GRIK2: variants seen among roughly 807,000 people sequenced by gnomAD.
GRIK2 encodes glutamate ionotropic receptor kainate type subunit 2.
A neutral mutation model predicts 100.3 loss-of-function variants in GRIK2; 32 were observed. The ratio of observed to expected loss-of-function variants is 0.32; its 90% CI spans 0.24 to 0.43. GRIK2 has a LOEUF of 0.43. Ranked by LOEUF, GRIK2 falls within the 20% of genes least tolerant of loss-of-function variation. The pLI is 1.00. For synonymous variants in GRIK2, 417 were observed against 389.4 expected, an observed-to-expected ratio of 1.07 and a Z score of -0.83; for missense variants, 843 against 1,114.9, an observed-to-expected ratio of 0.76 and a Z score of 3.47.
At chr6:101,671,785 A>C (rs189201633) in intron 4 of GRIK2, among the ~76,000 whole-genome samples, 1 of 152,254 alleles carries the variant, frequency 6.6e-6, no homozygotes, top group Non-Finnish European at 1.5e-5. Context: ...AATTGTTTGA[A>C]CCCAGGAGGC....
At chr6:101,799,875 G>A in intron 8 of GRIK2, 84 bp downstream of exon 8, 1 of 1,068,030 alleles carries the variant, frequency 9.4e-7, no homozygotes, top group South Asian at 1.5e-5. Flanking sequence ...TCTAGCAAGT[G>A]TCCTTTTACT....
At chr6:101,447,485 G>A (rs1226169501) in intron 2 of GRIK2, among the ~76,000 whole-genome samples, 1 of 151,638 alleles carries the variant, frequency 6.6e-6, no homozygotes, top group South Asian at 2.1e-4. Flanking sequence ...AGTATAAATA[G>A]ATAAATGGGA....
chr6:101,694,600 C>T (rs1772346284), intron 7 of GRIK2, among the ~76,000 whole-genome samples: 1 of 151,986 alleles, frequency 6.6e-6, no homozygotes, highest in African/African-American at 2.4e-5. Context: ...TATCCTACAG[C>T]AAAGTTCTGG....
intron 7 of GRIK2, among the ~76,000 whole-genome samples, chr6:101,775,326 A>T (rs761349554): frequency 3.9e-5 from 6 of 152,106 alleles, no homozygotes; most frequent in Non-Finnish European, 8.8e-5. Flanking sequence ...TATTCATGAC[A>T]TTAATTCTGG....
At chr6:101,650,234 A>G (rs550515751) in intron 4 of GRIK2, among the ~76,000 whole-genome samples, 96 of 152,234 alleles carry the variant, frequency 6.3e-4, no homozygotes, top group Admixed American at 1.0e-3. Context: ...TTGGAAACCA[A>G]TTAGTAAGGA....
intron 2 of GRIK2, among the ~76,000 whole-genome samples, chr6:101,501,521 C>T (rs1773744258): frequency 6.6e-6 from 1 of 152,110 alleles, no homozygotes; most frequent in Admixed American, 6.6e-5. Flanking sequence ...ACTCAATGGC[C>T]ACACTTCATT....
At chr6:101,576,168 C>T (rs1318743368) in intron 2 of GRIK2, among the ~76,000 whole-genome samples, 1 of 151,886 alleles carries the variant, frequency 6.6e-6, no homozygotes, top group Non-Finnish European at 1.5e-5. Context: ...ACATTTTCTA[C>T]AGGATGCTCA....
intron 14 of GRIK2, among the ~76,000 whole-genome samples, chr6:101,975,853 A>C (rs1035257867): frequency 6.0e-5 from 9 of 150,956 alleles, no homozygotes; most frequent in Non-Finnish European, 3.0e-5. Context: ...CTATCCCTCC[A>C]TCCATCCATC....
At chr6:102,065,532 C>G (rs549212003) in intron 16 of GRIK2, among the ~76,000 whole-genome samples, 33 of 151,360 alleles carry the variant, frequency 2.2e-4, no homozygotes, top group Middle Eastern at 3.4e-3. Context: ...ACTTAGCCTA[C>G]TCCCTTACTA....
chr6:101,870,704 C>A (rs1785356835), intron 11 of GRIK2, among the ~76,000 whole-genome samples: 1 of 151,634 alleles, frequency 6.6e-6, no homozygotes, highest in African/African-American at 2.4e-5. Flanking sequence ...AATATTATCA[C>A]ACTTTCCTTC....
chr6:102,012,989 G>A (rs1301237522), intron 14 of GRIK2, among the ~76,000 whole-genome samples: 1 of 152,096 alleles, frequency 6.6e-6, no homozygotes, highest in South Asian at 2.1e-4. Flanking sequence ...TTAGTAGCTT[G>A]ATCAGAAGAG....
intron 4 of GRIK2, among the ~76,000 whole-genome samples, chr6:101,644,774 T>A (rs1213315813): frequency 1.3e-5 from 2 of 151,866 alleles, no homozygotes; most frequent in Non-Finnish European, 2.9e-5. Context: ...ACCAAATATA[T>A]CTAGCTCTGG....
intron 4 of GRIK2, among the ~76,000 whole-genome samples, chr6:101,671,953 C>T (rs1165806433): frequency 6.6e-6 from 1 of 152,068 alleles, no homozygotes; most frequent in East Asian, 1.9e-4. Context: ...GGAGCCACTT[C>T]GAGAGCTGCT....
chr6:101,520,088 T>A (rs541937318), intron 2 of GRIK2, among the ~76,000 whole-genome samples: 1 of 152,092 alleles, frequency 6.6e-6, no homozygotes, highest in Non-Finnish European at 1.5e-5. Context: ...AAAATTATTT[T>A]TTCACATTTT....
intron 14 of GRIK2, among the ~76,000 whole-genome samples, chr6:101,932,034 G>C (rs1790321910): frequency 6.6e-6 from 1 of 151,982 alleles, no homozygotes; most frequent in Non-Finnish European, 1.5e-5. Flanking sequence ...ATACATTATA[G>C]GATCAAAAAT....
chr6:101,666,740 T>G (rs1240211364), intron 4 of GRIK2, among the ~76,000 whole-genome samples: 1 of 152,218 alleles, frequency 6.6e-6, no homozygotes, highest in East Asian at 1.9e-4. Flanking sequence ...AGACAGTGTA[T>G]TAGAGTCCTA....
chr6:101,454,831 C>T (rs1484950359), intron 2 of GRIK2, among the ~76,000 whole-genome samples: 4 of 152,076 alleles, frequency 2.6e-5, no homozygotes, highest in Non-Finnish European at 1.5e-5. Context: ...AGAGAAGGAA[C>T]TTAAGCTTAT....
At chr6:101,698,287 T>A (rs1772643443) in intron 7 of GRIK2, among the ~76,000 whole-genome samples, 1 of 152,128 alleles carries the variant, frequency 6.6e-6, no homozygotes, top group African/African-American at 2.4e-5. Flanking sequence ...GAATCTACTC[T>A]GATGCACTAA....
intron 14 of GRIK2, among the ~76,000 whole-genome samples, chr6:101,996,178 GA>G (rs1200558956): frequency 1.3e-5 from 2 of 151,958 alleles, no homozygotes; most frequent in African/African-American, 4.8e-5. Flanking sequence ...TGGCTATGCC[GA>G]AGTTCATTTC....
Sources: gnomAD v4.1 joint callset for allele counts (sites outside exome capture counted in the v4.1 genomes callset) on GRCh38, gnomAD v4.1.1 for gene constraint, MANE v1.5 for transcripts, NCBI Gene and HGNC (gene_info 2026-07-23, HGNC 2026-07-21) for gene names.